Variants in CSMD3 observed in about 807,000 individuals in gnomAD.
CSMD3 encodes the protein CUB and sushi domain-containing protein 3.
A neutral mutation model predicts 435.2 loss-of-function variants in CSMD3; 177 were observed. That is an observed-to-expected ratio of 0.41 (90% CI 0.36 to 0.46). The LOEUF is 0.46. CSMD3 is among the 20% of genes least tolerant of loss of function. The probability of loss-of-function intolerance (pLI) is 0.34; values close to 1 mark genes in which losing one functional copy is unlikely to be tolerated. For missense variants in CSMD3, 4,265 were observed against 4,504.6 expected, an observed-to-expected ratio of 0.95 and a Z score of 1.52; for synonymous variants, 1,656 against 1,520.5, an observed-to-expected ratio of 1.09 and a Z score of -2.07.
At chr8:113,002,301 TA>T (rs1368811809) in intron 6 of CSMD3, among the ~76,000 whole-genome samples, 3 of 152,136 alleles carry the variant, frequency 2.0e-5, no homozygotes, top group African/African-American at 7.2e-5. Flanking sequence ...AGAAATCTTA[TA>T]AAAGATTCCA....
intron 9 of CSMD3, among the ~76,000 whole-genome samples, chr8:112,944,108 T>C (rs1482896831): frequency 6.6e-6 from 1 of 151,632 alleles, no homozygotes; most frequent in Non-Finnish European, 1.5e-5. Context: ...CCACTCTTGG[T>C]AAAAAACTAT....
chr8:112,679,642 A>G (rs2075843804), intron 16 of CSMD3, among the ~76,000 whole-genome samples: 2 of 152,346 alleles, frequency 1.3e-5, no homozygotes, highest in East Asian at 1.9e-4. Context: ...ATTGCTCTAC[A>G]TAAGTAGTGA....
intron 3 of CSMD3, among the ~76,000 whole-genome samples, chr8:113,216,399 T>C (rs946422075): frequency 6.6e-6 from 1 of 151,894 alleles, no homozygotes; most frequent in African/African-American, 2.4e-5. Context: ...TCTATACCAT[T>C]GATATTGGTG....
At chr8:112,861,268 T>C (rs1397080895) in intron 10 of CSMD3, among the ~76,000 whole-genome samples, 3 of 151,902 alleles carry the variant, frequency 2.0e-5, no homozygotes, top group Non-Finnish European at 4.4e-5. Flanking sequence ...TTTATCTTTC[T>C]AAAACACAGA....
intron 11 of CSMD3, among the ~76,000 whole-genome samples, chr8:112,831,263 T>A (rs1359979288): frequency 6.6e-6 from 1 of 151,998 alleles, no homozygotes; most frequent in African/African-American, 2.4e-5. Flanking sequence ...TAGTAAAATA[T>A]AAATACTTCC....
chr8:112,355,280 A>G (rs565204335), intron 38 of CSMD3, among the ~76,000 whole-genome samples: 1 of 152,332 alleles, frequency 6.6e-6, no homozygotes, highest in South Asian at 2.1e-4. Context: ...CACTCTGGAC[A>G]TTGGCCTTGG....
At chr8:113,310,223 T>C (rs1240244735) in intron 2 of CSMD3, 1 of 152,112 alleles carries the variant, frequency 6.6e-6, no homozygotes, top group Admixed American at 6.6e-5. Context: ...TATCATTCCA[T>C]AATATTTCAT....
At chr8:112,845,529 C>T (rs1216037940) in intron 11 of CSMD3, among the ~76,000 whole-genome samples, 2 of 152,018 alleles carry the variant, frequency 1.3e-5, no homozygotes, top group African/African-American at 2.4e-5. Flanking sequence ...CCTAGAAGTG[C>T]TTTGGGGGCT....
intron 9 of CSMD3, among the ~76,000 whole-genome samples, chr8:112,942,483 C>A (rs187429962): frequency 1.2e-3 from 185 of 151,814 alleles, no homozygotes; most frequent in Admixed American, 6.5e-3. Context: ...TAGTGATAGA[C>A]TGGATAAAGA....
At chr8:113,238,056 C>T (rs1588340415) in intron 3 of CSMD3, among the ~76,000 whole-genome samples, 1 of 115,108 alleles carries the variant, frequency 8.7e-6, no homozygotes, top group Non-Finnish European at 1.7e-5. Context: ...GCCTGGGCAA[C>T]AGAACAAGAC....
chr8:113,057,473 C>A (rs1010938680), intron 5 of CSMD3, among the ~76,000 whole-genome samples: 5 of 151,618 alleles, frequency 3.3e-5, no homozygotes, highest in African/African-American at 1.2e-4. Context: ...TCTTTGGACA[C>A]CAGTGTGAAT....
At chr8:113,255,119 G>A (rs1327472200) in intron 3 of CSMD3, among the ~76,000 whole-genome samples, 3 of 152,098 alleles carry the variant, frequency 2.0e-5, no homozygotes, top group African/African-American at 7.2e-5. Context: ...TATTGGACAA[G>A]AGACATGATA....
chr8:112,398,540 C>T (rs1831047513), intron 35 of CSMD3, among the ~76,000 whole-genome samples: 1 of 150,996 alleles, frequency 6.6e-6, no homozygotes, highest in East Asian at 2.0e-4. Context: ...TTCCAGGACA[C>T]CCTTTGAAAT....
intron 1 of CSMD3, among the ~76,000 whole-genome samples, chr8:113,365,025 T>C (rs2094302325): frequency 6.6e-6 from 1 of 152,090 alleles, no homozygotes. Context: ...GAGCATCCCT[T>C]AATATCTCTC....
intron 38 of CSMD3, among the ~76,000 whole-genome samples, chr8:112,352,830 A>G (rs2131066056): frequency 1.3e-5 from 2 of 152,320 alleles, no homozygotes; most frequent in South Asian, 4.1e-4. Context: ...ACTGTGAAAC[A>G]AAAGTAAAAA....
At chr8:113,278,760 TAAG>T (rs558737122) in intron 2 of CSMD3, 56 bp from the exon 3 acceptor site, 5 of 836,972 alleles carry the variant, frequency 6.0e-6, no homozygotes, top group Non-Finnish European at 1.0e-5. Context: ...TAAGAGTTTT[TAAG>T]AAGGATTAAA....
At chr8:112,569,359 A>C (rs569221087) in intron 24 of CSMD3, among the ~76,000 whole-genome samples, 1 of 152,216 alleles carries the variant, frequency 6.6e-6, no homozygotes, top group East Asian at 1.9e-4. Context: ...ACTTTTTCTT[A>C]TATGAACAAA....
intron 7 of CSMD3, among the ~76,000 whole-genome samples, chr8:112,960,403 C>T (rs1032356219): frequency 2.6e-5 from 4 of 151,730 alleles, no homozygotes; most frequent in African/African-American, 7.2e-5. Context: ...ATACAATCTT[C>T]TGAGAAAACA....
chr8:112,565,616 C>T (rs116479764), intron 24 of CSMD3, among the ~76,000 whole-genome samples: 2,109 of 152,192 alleles, frequency 0.014, 48 homozygotes, highest in African/African-American at 0.049. Flanking sequence ...ATGAACATTT[C>T]TCCAGTGGGA....
Sources: allele counts gnomAD v4.1 joint callset (sites outside exome capture counted in the v4.1 genomes callset), GRCh38; gene constraint gnomAD v4.1.1; transcripts MANE v1.5; gene names NCBI Gene and HGNC (gene_info 2026-07-23, HGNC 2026-07-21).